The following DCDC1 variants were observed in gnomAD, a reference collection of about 807,000 sequenced individuals.
The protein encoded by DCDC1 is doublecortin domain containing 1, also known as doublecortin domain-containing protein 1.
DCDC1 carries 200 observed loss-of-function variants against 178.3 expected under a neutral mutation model. That is an observed-to-expected ratio of 1.12 (90% CI 1.00 to 1.26). The LOEUF is 1.26. DCDC1 is among the 50% of genes most tolerant of loss of function. The pLI is 0.00. For synonymous variants in DCDC1, 690 were observed against 604.8 expected (o/e 1.14, Z -2.07); for missense variants, 1,983 against 1,749.2 (o/e 1.13, Z -2.38).
At chr11:31,183,476 A>G (rs537151928) in intron 9 of DCDC1, among the ~76,000 whole-genome samples, 2 of 152,318 alleles carry the variant, frequency 1.3e-5, no homozygotes, top group South Asian at 2.1e-4. Flanking sequence ...AAACTGAACA[A>G]TCTGCTCCTG....
At chr11:31,293,907 T>A (rs1022481729) in intron 6 of DCDC1, among the ~76,000 whole-genome samples, 1 of 152,198 alleles carries the variant, frequency 6.6e-6, no homozygotes, top group African/African-American at 2.4e-5. Flanking sequence ...CAAAATTTCA[T>A]ATCTTTCTGC....
At chr11:31,172,754 T>C (rs1967412837) in intron 9 of DCDC1, among the ~76,000 whole-genome samples, 1 of 152,134 alleles carries the variant, frequency 6.6e-6, no homozygotes, top group South Asian at 2.1e-4. Context: ...AAGTGGATCA[T>C]CATAAAGATC....
intron 9 of DCDC1, among the ~76,000 whole-genome samples, chr11:31,195,302 T>C (rs1399329180): frequency 2.0e-5 from 3 of 152,154 alleles, no homozygotes; most frequent in Non-Finnish European, 4.4e-5. Context: ...AAAATTTCAC[T>C]GCCTTAAGTC....
At chr11:30,895,718 C>G (rs1412164026) in intron 34 of DCDC1, among the ~76,000 whole-genome samples, 4 of 152,110 alleles carry the variant, frequency 2.6e-5, no homozygotes, top group Admixed American at 6.6e-5. Context: ...ATCAATCAGT[C>G]AATGAGTTAC....
At chr11:31,068,291 A>G (rs1366428055) in intron 18 of DCDC1, among the ~76,000 whole-genome samples, 1 of 152,202 alleles carries the variant, frequency 6.6e-6, no homozygotes, top group Non-Finnish European at 1.5e-5. Flanking sequence ...TGATACCTGT[A>G]TACAATGTAT....
intron 20 of DCDC1, among the ~76,000 whole-genome samples, chr11:30,962,488 A>C (rs962783461): frequency 6.6e-6 from 1 of 152,064 alleles, no homozygotes; most frequent in Non-Finnish European, 1.5e-5. Flanking sequence ...AATAACACTG[A>C]AAAGAATATT....
chr11:31,297,429 G>A (rs927763833), intron 6 of DCDC1, among the ~76,000 whole-genome samples: 5 of 151,778 alleles, frequency 3.3e-5, no homozygotes, highest in Non-Finnish European at 5.9e-5. Flanking sequence ...GCATGATCTC[G>A]ACTCACTGCA....
chr11:30,897,928 C>A, intron 34 of DCDC1, among the ~76,000 whole-genome samples: 1 of 152,056 alleles, frequency 6.6e-6, no homozygotes, highest in Non-Finnish European at 1.5e-5. Context: ...GCTTGGAATG[C>A]TGAGGAAGGC....
At chr11:31,280,099 A>G (rs1946317112) in intron 7 of DCDC1, among the ~76,000 whole-genome samples, 1 of 152,194 alleles carries the variant, frequency 6.6e-6, no homozygotes, top group African/African-American at 2.4e-5. Context: ...TATTACACAT[A>G]AACCACACTA....
intron 6 of DCDC1, among the ~76,000 whole-genome samples, chr11:31,299,868 A>T (rs1233341948): frequency 2.6e-5 from 4 of 151,724 alleles, no homozygotes; most frequent in Middle Eastern, 3.4e-3. Context: ...TTATTTATTT[A>T]TTTTTTTTGA....
At chr11:31,217,155 T>C (rs1295770906) in intron 9 of DCDC1, among the ~76,000 whole-genome samples, 1 of 152,114 alleles carries the variant, frequency 6.6e-6, no homozygotes, top group Non-Finnish European at 1.5e-5. Flanking sequence ...CACTCAACTT[T>C]TAACATTTCA....
At chr11:31,019,323 G>A (rs1952705060) in intron 20 of DCDC1, among the ~76,000 whole-genome samples, 1 of 152,132 alleles carries the variant, frequency 6.6e-6, no homozygotes, top group Non-Finnish European at 1.5e-5. Flanking sequence ...CCAAAATGAG[G>A]CAGGGCAAAT....
At chr11:30,871,229 C>T (rs959111095) in intron 38 of DCDC1, among the ~76,000 whole-genome samples, 3 of 152,224 alleles carry the variant, frequency 2.0e-5, no homozygotes, top group African/African-American at 7.2e-5. Context: ...TCTTAGTGTA[C>T]AACAGAAGAG....
At chr11:31,322,283 GAAATA>G (rs1949408579) in intron 3 of DCDC1, among the ~76,000 whole-genome samples, 1 of 152,050 alleles carries the variant, frequency 6.6e-6, no homozygotes, top group Non-Finnish European at 1.5e-5. Context: ...CACAATTTAA[GAAATA>G]AAATAAAAGA....
At chr11:31,245,951 A>G (rs1451690475) in intron 8 of DCDC1, among the ~76,000 whole-genome samples, 1 of 151,902 alleles carries the variant, frequency 6.6e-6, no homozygotes, top group Non-Finnish European at 1.5e-5. Flanking sequence ...ATGATAAGGA[A>G]CCAAAAATCT....
At chr11:31,142,508 GTA>G (rs1377135324) in intron 9 of DCDC1, among the ~76,000 whole-genome samples, 1 of 140,722 alleles carries the variant, frequency 7.1e-6, no homozygotes, top group Non-Finnish European at 1.6e-5. Context: ...GTGTGTGTGT[GTA>G]TACACATATG....
intron 16 of DCDC1, among the ~76,000 whole-genome samples, chr11:31,092,567 C>A (rs1246573891): frequency 6.6e-6 from 1 of 152,186 alleles, no homozygotes; most frequent in East Asian, 1.9e-4. Context: ...AAGTAACTTT[C>A]CCAATGTCAC....
intron 8 of DCDC1, among the ~76,000 whole-genome samples, chr11:31,259,413 A>G (rs1944634476): frequency 6.6e-6 from 1 of 152,170 alleles, no homozygotes; most frequent in African/African-American, 2.4e-5. Flanking sequence ...TATACTATTG[A>G]AACATTATAC....
chr11:31,259,774 C>G (rs1944658954), intron 8 of DCDC1, among the ~76,000 whole-genome samples: 1 of 152,122 alleles, frequency 6.6e-6, no homozygotes, highest in Admixed American at 6.6e-5. Context: ...GGTCATAGAG[C>G]CTGGTCAACA....
Sources: allele counts gnomAD v4.1 joint callset (sites outside exome capture counted in the v4.1 genomes callset), GRCh38; gene constraint gnomAD v4.1.1; transcripts MANE v1.5; gene names NCBI Gene and HGNC (gene_info 2026-07-23, HGNC 2026-07-21).